Variants in CDKL1 observed in about 807,000 individuals in gnomAD.
CDKL1 encodes cyclin dependent kinase like 1.
A neutral mutation model predicts 42.0 loss-of-function variants in CDKL1; 41 were observed. The ratio of observed to expected loss-of-function variants is 0.98; its 90% CI spans 0.76 to 1.27. The LOEUF is 1.27. Among genes scored for constraint, CDKL1 ranks in the 50% most tolerant of loss-of-function variants. The pLI is 0.00. For missense variants in CDKL1, 394 were observed against 428.4 expected (o/e 0.92, Z 0.71); for synonymous variants, 153 against 158.6 (o/e 0.96, Z 0.26).
At chr14:50,361,621 G>C (rs2034249065) in intron 2 of CDKL1, among the ~76,000 whole-genome samples, 4 of 152,212 alleles carry the variant, frequency 2.6e-5, no homozygotes, top group African/African-American at 9.6e-5. Flanking sequence ...TCAACCTTGA[G>C]CTCTTTATAC....
chr14:50,369,573 T>C (rs996286154), intron 2 of CDKL1, among the ~76,000 whole-genome samples: 1 of 146,184 alleles, frequency 6.8e-6, no homozygotes, highest in East Asian at 2.0e-4. Flanking sequence ...TAATTATATA[T>C]ATACATATAT....
intron 2 of CDKL1, among the ~76,000 whole-genome samples, chr14:50,374,515 C>T (rs1351461978): frequency 6.6e-6 from 1 of 152,128 alleles, no homozygotes. Context: ...ATGAAACAAC[C>T]TCACCAAAGA....
At chr14:50,385,803 CAA>C (rs4027866) in intron 2 of CDKL1, among the ~76,000 whole-genome samples, 31 of 77,554 alleles carry the variant, frequency 4.0e-4, no homozygotes, top group African/African-American at 1.2e-3. Flanking sequence ...GACTCCGTCC[CAA>C]AAAAAAAAAA....
At chr14:50,348,140 A>G (rs2139418483) in intron 3 of CDKL1, among the ~76,000 whole-genome samples, 1 of 152,276 alleles carries the variant, frequency 6.6e-6, no homozygotes, top group East Asian at 1.9e-4. Context: ...AAAGATAATT[A>G]ACTTAACAAT....
chr14:50,355,868 A>C (rs1423867664), intron 3 of CDKL1, among the ~76,000 whole-genome samples: 1 of 152,206 alleles, frequency 6.6e-6, no homozygotes, highest in Non-Finnish European at 1.5e-5. Context: ...AATGCAAGGA[A>C]TTTGGTAGGA....
At chr14:50,340,269 A>G (rs556567494) in intron 6 of CDKL1, among the ~76,000 whole-genome samples, 2 of 152,352 alleles carry the variant, frequency 1.3e-5, no homozygotes, top group South Asian at 4.1e-4. Flanking sequence ...AAGTAGAAAT[A>G]TAAGACGTGG....
At chr14:50,362,614 A>C (rs1357472386) in intron 2 of CDKL1, among the ~76,000 whole-genome samples, 2 of 152,030 alleles carry the variant, frequency 1.3e-5, no homozygotes, top group African/African-American at 4.8e-5. Context: ...TTGTGAATGC[A>C]CCAATCGACA....
At chr14:50,348,808 CA>C (rs1398409490) in intron 3 of CDKL1, among the ~76,000 whole-genome samples, 1 of 151,978 alleles carries the variant, frequency 6.6e-6, no homozygotes, top group African/African-American at 2.4e-5. Flanking sequence ...TTAAAAGAAA[CA>C]GAAATTATGG....
chr14:50,387,514 A>C (rs2035122384), intron 2 of CDKL1, among the ~76,000 whole-genome samples: 1 of 121,744 alleles, frequency 8.2e-6, no homozygotes, highest in African/African-American at 3.1e-5. Flanking sequence ...CAAGACCAAG[A>C]CTCCATCTCA....
chr14:50,333,539 G>C (rs2033086523), intron 8 of CDKL1: 1 of 151,760 alleles, frequency 6.6e-6, no homozygotes, highest in Non-Finnish European at 1.5e-5. Flanking sequence ...ACCACCCCTT[G>C]TTTAGCATAT....
Position 50,341,188 on chromosome 14 carries a change from A to G in CDKL1, c.499T>C (p.Tyr167His). 1 of 1,614,124 alleles carries G rather than the reference A, an allele frequency of 6.2e-7. No homozygotes were observed. The highest frequency in any genetic ancestry group is 1.1e-5 in the South Asian group (1 of 91,078). Residue 167 changes from tyrosine to histidine, a missense_variant, in exon 6 of 10, where the codon TAC (tyrosine) becomes CAC (histidine). Coordinates refer to ENST00000395834, the MANE Select transcript of CDKL1 (RefSeq NM_004196.7). ...YYTDYVATRW[Y>H]RSPELLVGDT... ...CCCACCAGCAGCTCAGGGGAGCGGT[A>G]CCACCTGGTAGCCACGTAGTCTGTA... is the stretch of plus-strand genomic sequence containing the variant.
Position 50,326,612 on chromosome 14 carries a change from T to A in CDKL1, c.*3462A>T. Reference sequence around the variant, plus strand: ...AACAGTTGCTGCTTAATTTGTCTATTTTGTAAGCTTAGGCTACTATTTTAT... The same window carrying A: ...AACAGTTGCTGCTTAATTTGTCTATATTGTAAGCTTAGGCTACTATTTTAT... On this transcript the variant is annotated 3_prime_UTR_variant, in exon 10 of 10. Coordinates refer to ENST00000395834, the MANE Select transcript of CDKL1 (RefSeq NM_004196.7). 1.0e-6 allele frequency: 1 copy of A among 985,486 alleles called. No individual in the cohort carries two copies. 61.0% of individuals were successfully genotyped at this position (985,486 alleles called of 1,614,324 possible).
rs372074131 is a variant in CDKL1, at chr14:50,336,198, A to G, written c.739-1577T>C. ...AGAAGCAAGCAGGCCTCCCTCTGTC[A>G]GGGTTACTGACAGGCAGAGGGACTG... On this transcript the variant is annotated intron_variant, in intron 7 of 9. Coordinates refer to ENST00000395834, the MANE Select transcript of CDKL1 (RefSeq NM_004196.7). 1.3e-3 allele frequency: 1,760 copies of G among 1,352,626 alleles called. 23 individuals carry two copies. In the South Asian group the frequency reaches 0.019, roughly 15 times the overall value. The allele number at this position is 1,352,626 out of a possible 1,614,324, so 83.8% of individuals were successfully genotyped here.
intron 3 of CDKL1, among the ~76,000 whole-genome samples, chr14:50,352,883 T>G (rs867315074): frequency 2.0e-5 from 3 of 152,256 alleles, no homozygotes; most frequent in Non-Finnish European, 4.4e-5. Flanking sequence ...TTCTGAGTAC[T>G]AGCTCATGCT....
chr14:50,342,985 G>GCC, intron 4 of CDKL1: 1 of 1,355,724 alleles, frequency 7.4e-7, no homozygotes, highest in Non-Finnish European at 9.8e-7. Flanking sequence ...TCGAGATGCG[G>GCC]CCCCCCCTCC....
At position 50,396,298 on chromosome 14, in the gene CDKL1, G is replaced by C. The variant is rs1418559567; in HGVS notation, c.-430C>G. 1.9e-5 allele frequency: 19 copies of C among 1,013,088 alleles called. No homozygotes were observed. Among genetic ancestry groups the C allele is most frequent in the Non-Finnish European group, 2.2e-5 (19 of 848,332 alleles). The allele number at this position is 1,013,088 out of a possible 1,614,324, so 62.8% of individuals were successfully genotyped here. On this transcript the variant is annotated 5_prime_UTR_variant, in exon 2 of 10. Transcript: ENST00000395834. Reference sequence around the variant, plus strand: ...ATTGGCACCAACGGACTGCACTAGAGCCCCACCCAACGATGAGTGTTTGTC... The same window carrying C: ...ATTGGCACCAACGGACTGCACTAGACCCCCACCCAACGATGAGTGTTTGTC...
intron 7 of CDKL1, among the ~76,000 whole-genome samples, chr14:50,337,353 G>C (rs2139382523): frequency 6.8e-6 from 1 of 147,952 alleles, no homozygotes; most frequent in Middle Eastern, 3.5e-3. Flanking sequence ...TTAACTACAT[G>C]GTATTTCTTA....
At chr14:50,395,572 C>A in intron 2 of CDKL1, 129 bp downstream of exon 2, 1 of 641,878 alleles carries the variant, frequency 1.6e-6, no homozygotes, top group Admixed American at 2.9e-5. Context: ...GAGGCTGAGG[C>A]AGAAGCATGG....
At chr14:50,352,641 G>A (rs750926478) in intron 3 of CDKL1, among the ~76,000 whole-genome samples, 2 of 152,192 alleles carry the variant, frequency 1.3e-5, no homozygotes, top group East Asian at 1.9e-4. Context: ...AATATTAAGC[G>A]AAGAATAGAG....
Sources: allele counts gnomAD v4.1 joint callset (sites outside exome capture counted in the v4.1 genomes callset), GRCh38; gene constraint gnomAD v4.1.1; transcripts MANE v1.5; gene names NCBI Gene and HGNC (gene_info 2026-07-23, HGNC 2026-07-21).